The following PRUNE2 variants were observed in gnomAD, a reference collection of about 807,000 sequenced individuals.
PRUNE2 encodes the protein protein prune homolog 2.
Under a neutral mutation model 252.0 loss-of-function variants are expected in PRUNE2, and 164 were observed. The observed-to-expected ratio is 0.65, with a 90% CI of 0.57 to 0.74. The LOEUF is 0.74. PRUNE2 is among the 30% of genes least tolerant of loss of function. PRUNE2 has a pLI of 0.00. For missense variants in PRUNE2, 3,495 were observed against 3,711.0 expected, an observed-to-expected ratio of 0.94 and a Z score of 1.51; for synonymous variants, 1,292 against 1,350.2, an observed-to-expected ratio of 0.96 and a Z score of 0.94.
chr9:76,731,296 ATC>A (rs1564171675), intron 6 of PRUNE2, among the ~76,000 whole-genome samples: 4 of 96,682 alleles, frequency 4.1e-5, no homozygotes, highest in Admixed American at 1.2e-4. Flanking sequence ...CTATCTATCT[ATC>A]TATCTATCTA....
chr9:76,714,227 G>T (rs1213830176), intron 6 of PRUNE2, among the ~76,000 whole-genome samples: 1 of 152,080 alleles, frequency 6.6e-6, no homozygotes, highest in Non-Finnish European at 1.5e-5. Context: ...AGAATTCTGG[G>T]AGATTTTTAA....
At chr9:76,778,705 A>G (rs1241827398) in intron 6 of PRUNE2, 1 of 152,228 alleles carries the variant, frequency 6.6e-6, no homozygotes, top group Non-Finnish European at 1.5e-5. Flanking sequence ...AGTATGATCT[A>G]CTTCACTGGG....
At chr9:76,797,881 T>C (rs2056237758) in intron 6 of PRUNE2, among the ~76,000 whole-genome samples, 1 of 152,216 alleles carries the variant, frequency 6.6e-6, no homozygotes, top group Non-Finnish European at 1.5e-5. Flanking sequence ...GGGTGCTGCC[T>C]GGCAACCACC....
intron 6 of PRUNE2, among the ~76,000 whole-genome samples, chr9:76,741,823 C>A (rs140739325): frequency 6.6e-6 from 1 of 152,176 alleles, no homozygotes; most frequent in Non-Finnish European, 1.5e-5. Flanking sequence ...CATTTTCCTA[C>A]GTTCTCTACT....
rs1299977831 is a variant in PRUNE2, at chr9:76,857,127, G to A, written c.37-2919C>T. 6.6e-6 allele frequency: 3 copies of A among 455,726 alleles called. No homozygotes were observed. The East Asian group carries it at 2.1e-4, about 32-fold the overall frequency. 28.2% of individuals were successfully genotyped at this position (455,726 alleles called of 1,614,324 possible). A position where few individuals can be genotyped will look rare whatever the true frequency, so the allele number is the denominator to read the frequency against. On this transcript the variant is annotated intron_variant, in intron 1 of 18. Transcript: ENST00000376718. Reference sequence around the variant, plus strand: ...CATCCTATGCATCAAGTTCCTTCATGGTCATGGCCTCTTCCAATGCCATTT... The same window carrying A: ...CATCCTATGCATCAAGTTCCTTCATAGTCATGGCCTCTTCCAATGCCATTT...
intron 4 of PRUNE2, among the ~76,000 whole-genome samples, chr9:76,845,963 T>A (rs1422561978): frequency 6.6e-6 from 1 of 152,184 alleles, no homozygotes; most frequent in Non-Finnish European, 1.5e-5. Flanking sequence ...CTGATGATGG[T>A]GTGTTCAGGA....
In PRUNE2 at chr9:76,644,862, C is replaced by G; in HGVS notation, c.8605G>C (p.Glu2869Gln). Residue 2869 changes from glutamate to glutamine, a missense_variant, in exon 12 of 19, where the codon GAA (glutamate) becomes CAA (glutamine). Transcript: ENST00000376718. ...TCCCGTTCCTCTTCGGCCGTATATT[C>G]TGGAATAGACTCTGACTCTTGGCCA... ...DSGQESESIP[E>Q]YTAEEEREDN... The G allele has an allele frequency of 6.2e-7, 1 of 1,613,862 alleles. No homozygotes were observed. The highest frequency in any genetic ancestry group is 8.5e-7 in the Non-Finnish European group (1 of 1,179,842).
At chr9:76,684,811 GCACAATCTCAGCT>G (rs35916283) in intron 9 of PRUNE2, among the ~76,000 whole-genome samples, 85,051 of 151,848 alleles carry the variant, frequency 0.56, 27,295 homozygotes, top group South Asian at 0.72. Flanking sequence ...GAGTGCAGTA[GCACAATCTCAGCT>G]CACTGAAACC....
chr9:76,615,970 C>G (rs11144980), intron 18 of PRUNE2, among the ~76,000 whole-genome samples: 2 of 151,814 alleles, frequency 1.3e-5, no homozygotes, highest in East Asian at 1.9e-4. Context: ...GGGTTTCACC[C>G]TGTTGGCCAG....
chr9:76,707,697 C>A lies in PRUNE2; in HGVS notation c.4577G>T (p.Gly1526Val), dbSNP rs1429409490. The A allele has an allele frequency of 3.1e-6, 5 of 1,613,760 alleles. No individual in the cohort carries two copies. In the African/African-American group the frequency reaches 4.0e-5, roughly 13 times the overall value. ...KGSENSLPGAGSSGNFDRDTI... is the reference protein window; with the variant it reads ...KGSENSLPGAVSSGNFDRDTI... ...ATCTCTGTCAAAATTTCCAGACGAA[C>A]CGGCTCCTGGAAGGCTATTTTCAGA... Residue 1526 changes from glycine to valine, a missense_variant, in exon 8 of 19, where the codon GGT becomes GTT. By Grantham distance (109) the Gly-to-Val change is moderately radical. Transcript: ENST00000376718.
At chr9:76,874,221 A>T (rs1203954900) in intron 1 of PRUNE2, among the ~76,000 whole-genome samples, 1 of 152,228 alleles carries the variant, frequency 6.6e-6, no homozygotes, top group East Asian at 1.9e-4. Context: ...TAAATATTCA[A>T]AAAATATCAT....
intron 11 of PRUNE2, among the ~76,000 whole-genome samples, chr9:76,645,752 A>T (rs1273259612): frequency 6.6e-6 from 1 of 152,226 alleles, no homozygotes; most frequent in South Asian, 2.1e-4. Context: ...ATGTTTAAGT[A>T]ATCTGAAAGA....
chr9:76,842,984 C>T (rs558751873), intron 4 of PRUNE2, among the ~76,000 whole-genome samples: 1 of 152,006 alleles, frequency 6.6e-6, no homozygotes, highest in East Asian at 1.9e-4. Context: ...GGATATATAC[C>T]CAAAGGATTA....
At chr9:76,894,767 C>T (rs967923153) in intron 1 of PRUNE2, among the ~76,000 whole-genome samples, 2 of 148,548 alleles carry the variant, frequency 1.3e-5, no homozygotes, top group Non-Finnish European at 3.0e-5. Context: ...CACCTGTAAT[C>T]CCAGCACTTT....
At chr9:76,854,338 TGAA>T in intron 1 of PRUNE2, 130 bp from the exon 2 acceptor site, 1 of 479,670 alleles carries the variant, frequency 2.1e-6, no homozygotes, top group East Asian at 3.1e-5. Flanking sequence ...AAATTTATCA[TGAA>T]GTTTTACATG....
intron 9 of PRUNE2, among the ~76,000 whole-genome samples, chr9:76,668,809 C>T (rs682119): frequency 1.3e-5 from 2 of 150,674 alleles, no homozygotes; most frequent in East Asian, 3.9e-4. Flanking sequence ...GAGGCATCGT[C>T]GTTTGGAGGG....
intron 9 of PRUNE2, chr9:76,700,278 C>G (rs2134685002): frequency 6.6e-6 from 1 of 152,316 alleles, no homozygotes; most frequent in South Asian, 2.1e-4. Flanking sequence ...TCATATTGCA[C>G]ATACTATGAA....
intron 9 of PRUNE2, among the ~76,000 whole-genome samples, chr9:76,686,923 T>C (rs142095609): frequency 5.5e-4 from 83 of 152,258 alleles, no homozygotes; most frequent in Middle Eastern, 3.4e-3. Context: ...AATTTTTTCA[T>C]AGAGATGGGG....
Position 76,709,611 on chromosome 9 carries a change from T to C in PRUNE2, c.2663A>G (p.His888Arg). 1 of 1,614,026 alleles carries C rather than the reference T, an allele frequency of 6.2e-7. No homozygotes were observed. The highest frequency in any genetic ancestry group is 8.5e-7 in the Non-Finnish European group (1 of 1,179,894). ...TGGTGGCTTAGAATTAGTCCATGTG[T>C]GATCCAGATCAGAACTGGGATTTCC... Reference protein sequence around the residue: ...APGNPSSDLDHTWTNSKPPKE... With the variant: ...APGNPSSDLDRTWTNSKPPKE... Residue 888 changes from histidine (H) to arginine (R), a missense_variant, in exon 8 of 19, where the codon CAC (histidine) becomes CGC (arginine). Physicochemically the swap from His to Arg is conservative, Grantham distance 29. Coordinates refer to ENST00000376718, the MANE Select transcript of PRUNE2 (RefSeq NM_015225.3).
Sources: gnomAD v4.1 joint callset for allele counts (sites outside exome capture counted in the v4.1 genomes callset) on GRCh38, gnomAD v4.1.1 for gene constraint, MANE v1.5 for transcripts, NCBI Gene and HGNC (gene_info 2026-07-23, HGNC 2026-07-21) for gene names.